Variants in DCDC1 observed in about 807,000 individuals in gnomAD.
The protein encoded by DCDC1 is doublecortin domain containing 1.
In DCDC1, 200 loss-of-function variants were observed where a neutral mutation model predicts 178.3. The ratio of observed to expected loss-of-function variants is 1.12; its 90% CI spans 1.00 to 1.26. DCDC1 has a LOEUF of 1.26. Among genes scored for constraint, DCDC1 ranks in the 50% most tolerant of loss-of-function variants. DCDC1 has a pLI of 0.00. For missense variants in DCDC1, 1,983 were observed against 1,749.2 expected (o/e 1.13, Z -2.38); for synonymous variants, 690 against 604.8 (o/e 1.14, Z -2.07).
chr11:30,888,056 AAGAAAGAGAG>A (rs1387070976), intron 36 of DCDC1, among the ~76,000 whole-genome samples: 1,334 of 84,502 alleles, frequency 0.016, 57 homozygotes, highest in African/African-American at 0.055. Context: ...GAAAGAAAGA[AAGAAAGAGAG>A]AGAGAGAGAG....
At chr11:31,270,103 C>T (rs780221583) in intron 7 of DCDC1, among the ~76,000 whole-genome samples, 3 of 152,166 alleles carry the variant, frequency 2.0e-5, no homozygotes, top group Non-Finnish European at 4.4e-5. Flanking sequence ...ACACTCTCCT[C>T]AAAAGATTCT....
At chr11:31,234,592 G>A (rs930011668) in intron 9 of DCDC1, among the ~76,000 whole-genome samples, 1 of 152,160 alleles carries the variant, frequency 6.6e-6, no homozygotes, top group Non-Finnish European at 1.5e-5. Context: ...ATCCTTAAGA[G>A]AGTTGGTTTT....
At chr11:31,081,399 G>A (rs1357074734) in intron 17 of DCDC1, among the ~76,000 whole-genome samples, 3 of 152,138 alleles carry the variant, frequency 2.0e-5, no homozygotes, top group Non-Finnish European at 4.4e-5. Context: ...CACGAGGTCA[G>A]GAGATTGAGA....
At chr11:31,242,250 C>T (rs187584712) in intron 8 of DCDC1, among the ~76,000 whole-genome samples, 11 of 151,986 alleles carry the variant, frequency 7.2e-5, no homozygotes, top group Admixed American at 2.6e-4. Flanking sequence ...GCTATTCCAG[C>T]ATGCGTTTTG....
chr11:31,022,675 G>A (rs1952959903), intron 20 of DCDC1, among the ~76,000 whole-genome samples: 1 of 149,728 alleles, frequency 6.7e-6, no homozygotes, highest in Non-Finnish European at 1.5e-5. Flanking sequence ...GTGTGTGTGT[G>A]TGTGTGTGTG....
intron 20 of DCDC1, among the ~76,000 whole-genome samples, chr11:30,998,629 G>A (rs533297739): frequency 4.6e-5 from 7 of 152,060 alleles, no homozygotes; most frequent in African/African-American, 9.7e-5. Flanking sequence ...CAGACAAAAC[G>A]CATTAATGAA....
rs527359457 is a variant in DCDC1, at chr11:31,210,518, C to A, written c.1221+30932G>T. Among the ~76,000 whole-genome samples, 8 of 152,142 alleles carry A rather than the reference C, an allele frequency of 5.3e-5. No homozygotes were observed. In the East Asian group the frequency reaches 1.5e-3, roughly 29 times the overall value. ...ATGAGGTCAGGAGTTCAAGACCAGCCTGGCCAATGCGGTGAAACCCCGTTT... is the reference window on the plus strand; with the variant it reads ...ATGAGGTCAGGAGTTCAAGACCAGCATGGCCAATGCGGTGAAACCCCGTTT... On this transcript the variant is annotated intron_variant, in intron 9 of 38. Transcript: ENST00000684477.
At chr11:31,216,879 T>C (rs1316003984) in intron 9 of DCDC1, among the ~76,000 whole-genome samples, 1 of 152,208 alleles carries the variant, frequency 6.6e-6, no homozygotes, top group Non-Finnish European at 1.5e-5. Context: ...GCCAGAGTAG[T>C]CTACAAAGCA....
At chr11:30,901,723 G>A (rs1000551108) in intron 32 of DCDC1, among the ~76,000 whole-genome samples, 6 of 152,084 alleles carry the variant, frequency 3.9e-5, no homozygotes, top group African/African-American at 1.2e-4. Context: ...TTAAAGAAGA[G>A]TGTTTGAAAT....
At chr11:31,334,323 A>C (rs56226078) in intron 2 of DCDC1, among the ~76,000 whole-genome samples, 3,104 of 152,272 alleles carry the variant, frequency 0.02, 92 homozygotes, top group African/African-American at 0.07. Context: ...ATGGGTTCGA[A>C]CATCCTCCTT....
rs569968820 is a variant in DCDC1, at chr11:31,229,928, C to A, written c.1221+11522G>T. On this transcript the variant is annotated intron_variant, in intron 9 of 38. Coordinates refer to ENST00000684477, the MANE Select transcript of DCDC1 (RefSeq NM_001387274.1). ...ATATTCAACAGTAAAAGACTGAAAG[C>A]TTTTCCTCTAAAATCAAAAACAAGA... Among the ~76,000 whole-genome samples the A allele has an allele frequency of 5.9e-5, 9 of 152,206 alleles. 1 individual carries two copies. In the South Asian group the frequency reaches 1.9e-3, roughly 32 times the overall value.
intron 9 of DCDC1, among the ~76,000 whole-genome samples, chr11:31,177,007 C>T (rs1167812867): frequency 2.0e-5 from 3 of 151,514 alleles, no homozygotes; most frequent in Admixed American, 6.6e-5. Context: ...CTCATAATAC[C>T]CCAGTAATGC....
intron 9 of DCDC1, among the ~76,000 whole-genome samples, chr11:31,173,106 T>C (rs1008241411): frequency 3.9e-5 from 6 of 152,238 alleles, no homozygotes; most frequent in African/African-American, 1.2e-4. Flanking sequence ...GCCTGAAGGA[T>C]AGAGGCTGGT....
intron 9 of DCDC1, among the ~76,000 whole-genome samples, chr11:31,175,297 C>T (rs1246175662): frequency 5.9e-5 from 9 of 152,220 alleles, no homozygotes; most frequent in Admixed American, 5.9e-4. Context: ...CCTGGCTGTG[C>T]ACAGTGGCCA....
chr11:30,941,730 A>G (rs1170018440), intron 21 of DCDC1, among the ~76,000 whole-genome samples: 1 of 152,198 alleles, frequency 6.6e-6, no homozygotes, highest in Non-Finnish European at 1.5e-5. Context: ...TATGTTGTAG[A>G]AAGTGTTGTA....
At chr11:31,213,583 G>A (rs1000040916) in intron 9 of DCDC1, among the ~76,000 whole-genome samples, 20 of 152,050 alleles carry the variant, frequency 1.3e-4, no homozygotes, top group African/African-American at 4.8e-4. Flanking sequence ...AGCCAGGCGT[G>A]GTGGCGGGCA....
At chr11:30,874,440 G>A (rs1264448225) in intron 38 of DCDC1, among the ~76,000 whole-genome samples, 9 of 152,094 alleles carry the variant, frequency 5.9e-5, no homozygotes, top group Admixed American at 1.3e-4. Flanking sequence ...CTTTTTAAAT[G>A]AAAGATGGGA....
At chr11:30,934,888 A>G (rs1034212044) in intron 21 of DCDC1, among the ~76,000 whole-genome samples, 2 of 152,054 alleles carry the variant, frequency 1.3e-5, no homozygotes, top group Non-Finnish European at 2.9e-5. Context: ...CTTTACCTCA[A>G]TTGTTTTTAC....
intron 20 of DCDC1, among the ~76,000 whole-genome samples, chr11:30,972,199 C>G (rs931052431): frequency 6.6e-6 from 1 of 152,052 alleles, no homozygotes; most frequent in African/African-American, 2.4e-5. Flanking sequence ...CTGGCAAAGT[C>G]AATAACAGAG....
Sources: gnomAD v4.1 joint callset for allele counts (sites outside exome capture counted in the v4.1 genomes callset) on GRCh38, gnomAD v4.1.1 for gene constraint, MANE v1.5 for transcripts, NCBI Gene and HGNC (gene_info 2026-07-23, HGNC 2026-07-21) for gene names.